CELF1: variants seen among roughly 807,000 people sequenced by gnomAD.
CELF1 encodes 50 kDa nuclear polyadenylated RNA-binding protein.
In CELF1, 10 loss-of-function variants were observed where a neutral mutation model predicts 61.8. That is an observed-to-expected ratio of 0.16 (90% CI 0.10 to 0.27). CELF1 has a LOEUF of 0.27. Among genes scored for constraint, CELF1 ranks in the 10% least tolerant of loss-of-function variants. The pLI is 1.00. For missense variants in CELF1, 380 were observed against 639.1 expected (o/e 0.59, Z 4.37); for synonymous variants, 236 against 225.1 (o/e 1.05, Z -0.43).
chr11:47,509,080 T>C (rs923289652), intron 1 of CELF1, among the ~76,000 whole-genome samples: 1 of 152,180 alleles, frequency 6.6e-6, no homozygotes, highest in Non-Finnish European at 1.5e-5. Context: ...TCAAAAAAGT[T>C]ATATTTTTTT....
At chr11:47,474,405 T>C (rs897851145) in intron 13 of CELF1, among the ~76,000 whole-genome samples, 2 of 152,238 alleles carry the variant, frequency 1.3e-5, no homozygotes, top group Non-Finnish European at 2.9e-5. Context: ...TCTGCTTAAA[T>C]GTCAATCTAG....
intron 2 of CELF1, 171 bp from the exon 3 acceptor site, chr11:47,499,775 T>A: frequency 2.1e-6 from 1 of 473,620 alleles, no homozygotes; most frequent in South Asian, 2.8e-5. Flanking sequence ...AAAGTGCTGA[T>A]GCGCCAGGCT....
chr11:47,513,127 T>C (rs542610478), intron 1 of CELF1, among the ~76,000 whole-genome samples: 2 of 152,356 alleles, frequency 1.3e-5, no homozygotes, highest in South Asian at 2.1e-4. Flanking sequence ...GTATTTTCTC[T>C]AAACAAGTTT....
intron 1 of CELF1, among the ~76,000 whole-genome samples, chr11:47,515,727 C>T (rs2095515924): frequency 6.6e-6 from 1 of 152,172 alleles, no homozygotes; most frequent in Admixed American, 6.6e-5. Flanking sequence ...GATTCTTCAG[C>T]ATTTTCATTC....
chr11:47,526,583 C>T (rs761173416), intron 1 of CELF1, among the ~76,000 whole-genome samples: 11 of 152,202 alleles, frequency 7.2e-5, no homozygotes, highest in Non-Finnish European at 1.5e-4. Flanking sequence ...TCTCATGTAA[C>T]ACTTTCAGGA....
chr11:47,515,919 C>G (rs1006795905), intron 1 of CELF1, among the ~76,000 whole-genome samples: 1 of 152,032 alleles, frequency 6.6e-6, no homozygotes, highest in Non-Finnish European at 1.5e-5. Context: ...TTATTATTTA[C>G]TTATTTATTT....
intron 4 of CELF1, among the ~76,000 whole-genome samples, chr11:47,488,139 G>A (rs1197745376): frequency 1.3e-5 from 2 of 152,198 alleles, no homozygotes; most frequent in African/African-American, 2.4e-5. Flanking sequence ...CATTTGCACT[G>A]TTGGACAGCT....
At chr11:47,481,336 G>T (rs2083137657) in intron 9 of CELF1, among the ~76,000 whole-genome samples, 1 of 151,710 alleles carries the variant, frequency 6.6e-6, no homozygotes, top group South Asian at 2.1e-4. Flanking sequence ...CACCATGCTG[G>T]CCAGGCTGGT....
intron 1 of CELF1, among the ~76,000 whole-genome samples, chr11:47,517,657 T>G (rs1353180209): frequency 1.4e-5 from 2 of 143,366 alleles, no homozygotes; most frequent in Admixed American, 7.0e-5. Context: ...TCTACAGAAA[T>G]TTTTTTTTTT....
At chr11:47,492,814 A>G (rs570938410) in intron 3 of CELF1, among the ~76,000 whole-genome samples, 1 of 152,220 alleles carries the variant, frequency 6.6e-6, no homozygotes, top group Non-Finnish European at 1.5e-5. Flanking sequence ...CAGTTGTAAT[A>G]GCATTTTACT....
chr11:47,541,071 C>T (rs904417906), intron 1 of CELF1, among the ~76,000 whole-genome samples: 1 of 152,122 alleles, frequency 6.6e-6, no homozygotes, highest in African/African-American at 2.4e-5. Context: ...GGGAAAGCGG[C>T]TGGAGCTGAA....
intron 4 of CELF1, among the ~76,000 whole-genome samples, chr11:47,488,193 A>G (rs2088859186): frequency 6.6e-6 from 1 of 152,246 alleles, no homozygotes. Flanking sequence ...GAAAATAAGA[A>G]CATGTCTGTG....
chr11:47,549,492 A>C (rs947076172), intron 1 of CELF1, among the ~76,000 whole-genome samples: 1 of 152,196 alleles, frequency 6.6e-6, no homozygotes, highest in Non-Finnish European at 1.5e-5. Context: ...ATTAGCCTTA[A>C]AAAGGAAATA....
chr11:47,529,216 T>C (rs2096375477), intron 1 of CELF1, among the ~76,000 whole-genome samples: 1 of 151,838 alleles, frequency 6.6e-6, no homozygotes, highest in South Asian at 2.1e-4. Flanking sequence ...TAGCTGGCAC[T>C]ATAGCTCCTG....
chr11:47,530,713 C>T (rs1175904096), intron 1 of CELF1, among the ~76,000 whole-genome samples: 2 of 152,022 alleles, frequency 1.3e-5, no homozygotes, highest in Non-Finnish European at 2.9e-5. Flanking sequence ...CCAGTACTTT[C>T]GGAGGCCGAG....
chr11:47,504,823 A>G (rs1452200517), intron 1 of CELF1, among the ~76,000 whole-genome samples: 1 of 145,058 alleles, frequency 6.9e-6, no homozygotes, highest in East Asian at 2.0e-4. Context: ...AATCGCTTGA[A>G]CCCAGGAGGC....
intron 1 of CELF1, chr11:47,523,241 C>T (rs2096049604): frequency 6.6e-6 from 1 of 152,140 alleles, no homozygotes; most frequent in Admixed American, 6.5e-5. Flanking sequence ...ATCAGAGTGT[C>T]ACTTACTGAG....
rs763564399 is a variant in CELF1, at chr11:47,483,540, G to A, written c.527-8C>T. ...AAGTCACAAATGCACAACCTGGTAAGAGAAGAGTCAGTAACTCATGCATTC... is the reference window on the plus strand; with the variant it reads ...AAGTCACAAATGCACAACCTGGTAAAAGAAGAGTCAGTAACTCATGCATTC... On this transcript the variant is annotated splice_polypyrimidine_tract_variant and splice_region_variant and intron_variant, in intron 7 of 14. Transcript: ENST00000687097. The A allele has an allele frequency of 4.3e-6, 7 of 1,610,602 alleles. No homozygotes were observed. In the Admixed American group the frequency reaches 8.3e-5, roughly 19 times the overall value.
At chr11:47,564,722 C>T (rs1273064515) in intron 1 of CELF1, among the ~76,000 whole-genome samples, 6 of 152,090 alleles carry the variant, frequency 3.9e-5, no homozygotes, top group African/African-American at 1.4e-4. Context: ...ACCCGGGAGG[C>T]GGAGGTTGCA....
Sources: allele counts gnomAD v4.1 joint callset (sites outside exome capture counted in the v4.1 genomes callset), GRCh38; gene constraint gnomAD v4.1.1; transcripts MANE v1.5; gene names NCBI Gene and HGNC (gene_info 2026-07-23, HGNC 2026-07-21).